MSI2: variants seen among roughly 807,000 people sequenced by gnomAD.
MSI2 encodes musashi RNA binding protein 2, also known as RNA-binding protein Musashi homolog 2.
Under a neutral mutation model 45.6 loss-of-function variants are expected in MSI2, and 17 were observed. The ratio of observed to expected loss-of-function variants is 0.37; its 90% CI spans 0.26 to 0.56. The LOEUF (loss-of-function observed/expected upper bound fraction) is 0.56. Ranked by LOEUF, MSI2 falls within the 20% of genes least tolerant of loss-of-function variation. The pLI is 0.77. For synonymous variants in MSI2, 156 were observed against 158.2 expected, an observed-to-expected ratio of 0.99 and a Z score of 0.11; for missense variants, 293 against 444.2, an observed-to-expected ratio of 0.66 and a Z score of 3.06.
At chr17:57,551,373 G>A (rs1431640006) in intron 7 of MSI2, among the ~76,000 whole-genome samples, 3 of 152,210 alleles carry the variant, frequency 2.0e-5, no homozygotes, top group Non-Finnish European at 4.4e-5. Context: ...TCCTGGCTTG[G>A]TGTGAGCCTC....
chr17:57,520,169 G>C (rs912625200), intron 6 of MSI2, among the ~76,000 whole-genome samples: 1 of 152,222 alleles, frequency 6.6e-6, no homozygotes, highest in Middle Eastern at 3.4e-3. Flanking sequence ...TCCAGTAAAT[G>C]GTAGTTATTA....
intron 6 of MSI2, among the ~76,000 whole-genome samples, chr17:57,461,854 C>T (rs1300797881): frequency 6.6e-6 from 1 of 152,286 alleles, no homozygotes; most frequent in Non-Finnish European, 1.5e-5. Flanking sequence ...GATGGCAGCT[C>T]TGCATAAACT....
chr17:57,339,319 C>T (rs1341101236), intron 5 of MSI2, among the ~76,000 whole-genome samples: 1 of 152,198 alleles, frequency 6.6e-6, no homozygotes, highest in East Asian at 1.9e-4. Context: ...TCTTAAAAGC[C>T]AACTCGGTTT....
chr17:57,651,978 A>G, intron 10 of MSI2, 121 bp from the exon 11 acceptor site: 2 of 897,234 alleles, frequency 2.2e-6, no homozygotes, highest in Non-Finnish European at 3.6e-6. Flanking sequence ...GCCCTGTGAA[A>G]ATCCCTTCCC....
At chr17:57,436,647 AG>A (rs1223290274) in intron 6 of MSI2, among the ~76,000 whole-genome samples, 2 of 152,208 alleles carry the variant, frequency 1.3e-5, no homozygotes, top group Non-Finnish European at 2.9e-5. Flanking sequence ...CCGAGGAGGC[AG>A]GGGGGTGAGA....
chr17:57,676,873 A>G (rs2144756921), intron 12 of MSI2, 114 bp from the exon 13 acceptor site: 2 of 775,228 alleles, frequency 2.6e-6, no homozygotes, highest in East Asian at 2.4e-5. Context: ...TCAGAATTAC[A>G]TATTCATGCT....
chr17:57,420,327 C>T (rs1341976878), intron 6 of MSI2, among the ~76,000 whole-genome samples: 3 of 152,184 alleles, frequency 2.0e-5, no homozygotes, highest in East Asian at 3.8e-4. Context: ...TGGGCTCTCA[C>T]GATTTTTATT....
At chr17:57,574,385 G>A (rs2087958836) in intron 7 of MSI2, among the ~76,000 whole-genome samples, 1 of 152,224 alleles carries the variant, frequency 6.6e-6, no homozygotes, top group South Asian at 2.1e-4. Context: ...GAGTGCAAAG[G>A]CCCTCATGAG....
intron 6 of MSI2, among the ~76,000 whole-genome samples, chr17:57,437,410 A>G (rs528308771): frequency 6.6e-6 from 1 of 152,302 alleles, no homozygotes; most frequent in East Asian, 1.9e-4. Flanking sequence ...CAGAACTCGA[A>G]TTCCAATTGA....
At chr17:57,593,707 C>T (rs2144436599) in intron 7 of MSI2, among the ~76,000 whole-genome samples, 1 of 152,258 alleles carries the variant, frequency 6.6e-6, no homozygotes, top group East Asian at 1.9e-4. Context: ...ATTCAACCTG[C>T]TACACTTGTC....
intron 5 of MSI2, among the ~76,000 whole-genome samples, chr17:57,356,731 G>GT (rs1916448922): frequency 1.3e-5 from 2 of 152,240 alleles, no homozygotes; most frequent in Admixed American, 1.3e-4. Context: ...GATAAGAACT[G>GT]TATTTGAACT....
chr17:57,540,396 T>C (rs1364602586), intron 7 of MSI2, among the ~76,000 whole-genome samples: 1 of 152,186 alleles, frequency 6.6e-6, no homozygotes, highest in African/African-American at 2.4e-5. Context: ...GTTTTCCACC[T>C]TGAAGGGTGT....
In MSI2 at chr17:57,256,735, G is replaced by T. The variant is rs776244699; in HGVS notation, c.-8G>T. On this transcript the variant is annotated 5_prime_UTR_variant, in exon 1 of 14. Coordinates refer to ENST00000284073, the MANE Select transcript of MSI2 (RefSeq NM_138962.4). ...TTTTTGGGGGTGGGGGGGCGGGGGG[G>T]CTCAGATATGGAGGCAAATGGGAGC... 19 of 650,326 alleles carry T rather than the reference G, an allele frequency of 2.9e-5. No individual in the cohort carries two copies. In the East Asian group the frequency reaches 4.4e-4, roughly 15 times the overall value. 40.3% of individuals were successfully genotyped at this position (650,326 alleles called of 1,614,324 possible).
intron 11 of MSI2, among the ~76,000 whole-genome samples, chr17:57,663,349 T>C (rs1912136388): frequency 6.6e-6 from 1 of 152,262 alleles, no homozygotes; most frequent in African/African-American, 2.4e-5. Flanking sequence ...CCTGGTTACT[T>C]ATTAATATTA....
chr17:57,295,856 A>C (rs1182282215), intron 5 of MSI2, among the ~76,000 whole-genome samples: 1 of 152,192 alleles, frequency 6.6e-6, no homozygotes, highest in Non-Finnish European at 1.5e-5. Context: ...TGCTCCCGTC[A>C]CAAATCTTTG....
intron 7 of MSI2, among the ~76,000 whole-genome samples, chr17:57,562,712 G>A (rs1423972398): frequency 6.6e-6 from 1 of 152,176 alleles, no homozygotes; most frequent in Admixed American, 6.5e-5. Context: ...GCAAACTGGT[G>A]GCTAACAAAT....
intron 10 of MSI2, among the ~76,000 whole-genome samples, chr17:57,644,657 T>C (rs1374703725): frequency 6.6e-6 from 1 of 152,196 alleles, no homozygotes; most frequent in Non-Finnish European, 1.5e-5. Context: ...TAGCCAAGAA[T>C]GTTTGAACCA....
intron 8 of MSI2, among the ~76,000 whole-genome samples, chr17:57,605,089 A>G (rs1304521542): frequency 6.6e-6 from 1 of 152,216 alleles, no homozygotes; most frequent in Admixed American, 6.5e-5. Context: ...CATTTATAAA[A>G]TGAGAATGTC....
At chr17:57,345,653 TGC>T (rs1239178843) in intron 5 of MSI2, among the ~76,000 whole-genome samples, 2 of 151,992 alleles carry the variant, frequency 1.3e-5, no homozygotes, top group African/African-American at 4.8e-5. Flanking sequence ...ACCCTGTCTG[TGC>T]TAAAAATATA....
Sources: allele counts gnomAD v4.1 joint callset (sites outside exome capture counted in the v4.1 genomes callset), GRCh38; gene constraint gnomAD v4.1.1; transcripts MANE v1.5; gene names NCBI Gene and HGNC (gene_info 2026-07-23, HGNC 2026-07-21).